NUFIP1: variants seen among roughly 807,000 people sequenced by gnomAD.
The protein encoded by NUFIP1 is FMR1-interacting protein NUFIP1.
Under a neutral mutation model 56.2 loss-of-function variants are expected in NUFIP1, and 38 were observed. That is an observed-to-expected ratio of 0.68 (90% CI 0.52 to 0.89). The LOEUF (loss-of-function observed/expected upper bound fraction) is 0.89, where lower values mean the gene tolerates loss of function less well. Ranked by LOEUF, NUFIP1 falls within the 40% of genes least tolerant of loss-of-function variation. The pLI, the probability that NUFIP1 is intolerant of heterozygous loss-of-function variation, is 0.00. For synonymous variants in NUFIP1, 215 were observed against 212.4 expected (o/e 1.01, Z -0.10); for missense variants, 567 against 605.8 (o/e 0.94, Z 0.67).
chr13:44,970,590 C>T (rs1871767752), intron 5 of NUFIP1, among the ~76,000 whole-genome samples: 1 of 152,182 alleles, frequency 6.6e-6, no homozygotes, highest in Non-Finnish European at 1.5e-5. Context: ...GGAACTTACT[C>T]TTTTTAGGAG....
At chr13:44,958,489 T>C (rs576862368) in intron 7 of NUFIP1, among the ~76,000 whole-genome samples, 2 of 152,316 alleles carry the variant, frequency 1.3e-5, no homozygotes, top group South Asian at 2.1e-4. Flanking sequence ...AATGTTCCCT[T>C]ATGCAATGAT....
intron 7 of NUFIP1, among the ~76,000 whole-genome samples, chr13:44,952,431 T>C (rs1271060221): frequency 1.3e-5 from 2 of 152,196 alleles, no homozygotes; most frequent in Admixed American, 1.3e-4. Context: ...AGCTCCCACA[T>C]TTTCTATATT....
chr13:44,983,205 C>T (rs1301269030), intron 1 of NUFIP1, among the ~76,000 whole-genome samples: 1 of 151,888 alleles, frequency 6.6e-6, no homozygotes, highest in African/African-American at 2.4e-5. Context: ...GATGCAGTTT[C>T]GCTCTTGTTG....
chr13:44,957,940 T>C (rs997677023), intron 7 of NUFIP1, among the ~76,000 whole-genome samples: 2 of 152,222 alleles, frequency 1.3e-5, no homozygotes, highest in Non-Finnish European at 2.9e-5. Context: ...TGAGTACAGA[T>C]GGTCTTTTGT....
chr13:44,986,686 C>A (rs1872408947), intron 1 of NUFIP1, among the ~76,000 whole-genome samples: 2 of 133,570 alleles, frequency 1.5e-5, no homozygotes, highest in South Asian at 2.4e-4. Flanking sequence ...AGCAAGACTC[C>A]ATCTCAAAAA....
chr13:44,984,220 C>T (rs1266042530), intron 1 of NUFIP1, among the ~76,000 whole-genome samples: 1 of 152,224 alleles, frequency 6.6e-6, no homozygotes, highest in Non-Finnish European at 1.5e-5. Flanking sequence ...TCCCAATTTC[C>T]TCTACATTCT....
At chr13:44,948,895 G>A (rs1378605274) in intron 8 of NUFIP1, among the ~76,000 whole-genome samples, 2 of 152,054 alleles carry the variant, frequency 1.3e-5, no homozygotes, top group African/African-American at 2.4e-5. Flanking sequence ...AATTTCTTCC[G>A]ACCTTTAAAA....
At chr13:44,964,146 T>C (rs1871515591) in intron 6 of NUFIP1, among the ~76,000 whole-genome samples, 1 of 152,106 alleles carries the variant, frequency 6.6e-6, no homozygotes, top group African/African-American at 2.4e-5. Flanking sequence ...AAAGAAAACA[T>C]AAAGAAATAG....
At chr13:44,967,671 C>T (rs1347017401) in intron 5 of NUFIP1, among the ~76,000 whole-genome samples, 3 of 152,106 alleles carry the variant, frequency 2.0e-5, no homozygotes, top group Non-Finnish European at 4.4e-5. Flanking sequence ...TGATAGAGAG[C>T]CACAGAAAGT....
chr13:44,941,130 G>C lies in NUFIP1; in HGVS notation c.*76C>G. On this transcript the variant is annotated 3_prime_UTR_variant, in exon 10 of 10. Coordinates refer to ENST00000379161, the MANE Select transcript of NUFIP1 (RefSeq NM_012345.3). ...CAAATCCAATTTTGACGGAAAAAAG[G>C]GTTTTGGTTTTCCTCTACTAACGAG... is the stretch of plus-strand genomic sequence containing the variant. The C allele has an allele frequency of 1.4e-6, 1 of 716,250 alleles. No individual in the cohort carries two copies. The highest frequency in any genetic ancestry group is 2.4e-6 in the Non-Finnish European group (1 of 419,844). 44.4% of individuals were successfully genotyped at this position (716,250 alleles called of 1,614,324 possible).
At chr13:44,986,494 A>G (rs1872398545) in intron 1 of NUFIP1, among the ~76,000 whole-genome samples, 1 of 152,088 alleles carries the variant, frequency 6.6e-6, no homozygotes, top group African/African-American at 2.4e-5. Flanking sequence ...GATCGAGACC[A>G]TCCTGGCTAA....
chr13:44,981,219 C>T (rs2137924317), intron 2 of NUFIP1, among the ~76,000 whole-genome samples: 1 of 152,008 alleles, frequency 6.6e-6, no homozygotes, highest in East Asian at 1.9e-4. Context: ...GTTTGAACTG[C>T]AAGGGTCCAC....
At chr13:44,979,764 T>C in intron 4 of NUFIP1, 126 bp downstream of exon 4, 1 of 601,260 alleles carries the variant, frequency 1.7e-6, no homozygotes, top group South Asian at 3.0e-5. Context: ...ATAAATGATG[T>C]CAAAATCCTT....
At chr13:44,964,337 C>T (rs1249654021) in intron 6 of NUFIP1, among the ~76,000 whole-genome samples, 1 of 152,150 alleles carries the variant, frequency 6.6e-6, no homozygotes, top group Non-Finnish European at 1.5e-5. Context: ...ATTTATCCTC[C>T]TACCTGAAAT....
chr13:44,943,326 A>G (rs1429707216), intron 9 of NUFIP1, 116 bp downstream of exon 9: 70 of 817,958 alleles, frequency 8.6e-5, no homozygotes, highest in Non-Finnish European at 1.3e-4. Context: ...TCCAAGGTCA[A>G]TGTGTCTCTG....
chr13:44,958,300 C>T (rs1871311875), intron 7 of NUFIP1, among the ~76,000 whole-genome samples: 1 of 152,142 alleles, frequency 6.6e-6, no homozygotes, highest in Non-Finnish European at 1.5e-5. Flanking sequence ...CATAAACATA[C>T]TTAGTCTCTA....
At chr13:44,975,123 C>T (rs928456059) in intron 5 of NUFIP1, among the ~76,000 whole-genome samples, 3 of 152,146 alleles carry the variant, frequency 2.0e-5, no homozygotes, top group Non-Finnish European at 1.5e-5. Context: ...ACTCAGCAGG[C>T]TTGTTGGATT....
intron 5 of NUFIP1, among the ~76,000 whole-genome samples, chr13:44,973,661 T>C (rs1160316940): frequency 6.6e-6 from 1 of 152,202 alleles, no homozygotes; most frequent in Non-Finnish European, 1.5e-5. Context: ...TAATAAAGGA[T>C]ATCTGTGCTA....
chr13:44,942,579 G>A (rs1248999114), intron 9 of NUFIP1, among the ~76,000 whole-genome samples: 2 of 152,030 alleles, frequency 1.3e-5, no homozygotes, highest in Non-Finnish European at 2.9e-5. Context: ...AAACCAAACA[G>A]ACTTTTCACA....
Sources: gnomAD v4.1 joint callset for allele counts (sites outside exome capture counted in the v4.1 genomes callset) on GRCh38, gnomAD v4.1.1 for gene constraint, MANE v1.5 for transcripts, NCBI Gene and HGNC (gene_info 2026-07-23, HGNC 2026-07-21) for gene names.